MGRN1: variants seen among roughly 807,000 people sequenced by gnomAD.
MGRN1 encodes the protein mahogunin ring finger 1.
A neutral mutation model predicts 69.2 loss-of-function variants in MGRN1; 29 were observed. The observed-to-expected ratio is 0.42, with a 90% confidence interval of 0.31 to 0.57. The LOEUF (loss-of-function observed/expected upper bound fraction) is 0.57, where lower values mean the gene tolerates loss of function less well. MGRN1 is among the 20% of genes least tolerant of loss of function. The pLI, the probability that MGRN1 is intolerant of heterozygous loss-of-function variation, is 0.15. For synonymous variants in MGRN1, 470 were observed against 344.2 expected (o/e 1.37, Z -4.04); for missense variants, 998 against 796.2 (o/e 1.25, Z -3.05).
chr16:4,663,391 T>TTTTTTTTTTTTTTTTTTTTTTTTA (rs150893432), intron 5 of MGRN1, among the ~76,000 whole-genome samples: 1 of 123,176 alleles, frequency 8.1e-6, no homozygotes, highest in Non-Finnish European at 1.8e-5. Flanking sequence ...TTTTTTTTTT[T>TTTTTTTTTTTTTTTTTTTTTTTTA]ACACCTTTAT....
chr16:4,644,535 C>A (rs1188806223), intron 1 of MGRN1, among the ~76,000 whole-genome samples: 2 of 152,036 alleles, frequency 1.3e-5, no homozygotes, highest in Non-Finnish European at 2.9e-5. Flanking sequence ...GTCTCCAACT[C>A]CTGACCTCAG....
chr16:4,639,269 AG>A (rs2078105154), intron 1 of MGRN1, among the ~76,000 whole-genome samples: 1 of 152,050 alleles, frequency 6.6e-6, no homozygotes, highest in African/African-American at 2.4e-5. Flanking sequence ...TGACACTATG[AG>A]GAGAATGGCG....
chr16:4,644,145 T>C (rs1450282460), intron 1 of MGRN1, among the ~76,000 whole-genome samples: 2 of 150,536 alleles, frequency 1.3e-5, no homozygotes, highest in African/African-American at 4.9e-5. Flanking sequence ...TCCCGGCTAA[T>C]TTTTTTTTGT....
rs976245385 is a variant in MGRN1, at chr16:4,686,794, C to T, written c.1619-2002C>T. On this transcript the variant is annotated intron_variant, in intron 16 of 16. Coordinates refer to ENST00000262370, the MANE Select transcript of MGRN1 (RefSeq NM_015246.4). The stretch of plus-strand genomic sequence containing the variant: ...GTTCGCATCGGTCCTGCAGCAGACA[C>T]GTTAGGACGCTCAGCAGGTCCACTC... The T allele has an allele frequency of 1.0e-5, 10 of 988,940 alleles. 1 individual carries two copies. The Middle Eastern group carries it at 1.5e-3, about 152-fold the overall frequency. The allele number at this position is 988,940 out of a possible 1,614,324, so 61.3% of individuals were successfully genotyped here.
intron 16 of MGRN1, among the ~76,000 whole-genome samples, chr16:4,684,617 T>C (rs1324853988): frequency 6.6e-6 from 1 of 152,242 alleles, no homozygotes; most frequent in East Asian, 1.9e-4. Flanking sequence ...TTCTCACCTT[T>C]CCCGGAGGCT....
chr16:4,688,747 G>A, intron 16 of MGRN1, 49 bp from the exon 17 acceptor site: 2 of 1,508,498 alleles, frequency 1.3e-6, no homozygotes, highest in African/African-American at 1.4e-5. Flanking sequence ...CGGGTGGCGT[G>A]GCACCAGGCA....
intron 16 of MGRN1, among the ~76,000 whole-genome samples, chr16:4,685,095 C>T (rs559027499): frequency 2.0e-5 from 3 of 152,232 alleles, no homozygotes; most frequent in Non-Finnish European, 4.4e-5. Context: ...CGGCCTGCCC[C>T]GAACAACTCA....
intron 7 of MGRN1, among the ~76,000 whole-genome samples, 188 bp downstream of exon 7, chr16:4,665,339 G>A (rs78068208): frequency 0.017 from 2,616 of 151,810 alleles, 32 homozygotes; most frequent in Non-Finnish European, 0.023. Flanking sequence ...GCCGAGTGCC[G>A]CTGTCAGGAG....
At chr16:4,653,960 C>G (rs765822000) in intron 4 of MGRN1, among the ~76,000 whole-genome samples, 4 of 152,182 alleles carry the variant, frequency 2.6e-5, no homozygotes, top group Non-Finnish European at 5.9e-5. Context: ...TCATGTTGGT[C>G]AGGCTGGTCT....
intron 1 of MGRN1, among the ~76,000 whole-genome samples, chr16:4,630,785 C>T (rs1201764511): frequency 1.4e-4 from 19 of 131,884 alleles, no homozygotes; most frequent in African/African-American, 4.7e-4. Flanking sequence ...ACATTTAGGT[C>T]TTTGATCCAT....
rs1175772065 is a variant in MGRN1, at chr16:4,689,255, C to T, written c.*347C>T. 1.2e-5 allele frequency: 3 copies of T among 243,304 alleles called. No homozygotes were observed. The highest frequency in any genetic ancestry group is 2.4e-5 in the Non-Finnish European group (3 of 126,476). 15.1% of individuals were successfully genotyped at this position (243,304 alleles called of 1,614,324 possible). On this transcript the variant is annotated 3_prime_UTR_variant, in exon 17 of 17. Coordinates refer to ENST00000262370, the MANE Select transcript of MGRN1 (RefSeq NM_015246.4). ...GCCTGCTCCTGCAACAGTGCGGTCC[C>T]TGCCCGGAGAACTCAGGAGGCCTGC...
intron 5 of MGRN1, among the ~76,000 whole-genome samples, chr16:4,661,882 G>A (rs976603907): frequency 6.6e-5 from 10 of 152,228 alleles, no homozygotes; most frequent in African/African-American, 1.2e-4. Context: ...GATGGGTTAC[G>A]TGTGCCATTC....
intron 15 of MGRN1, among the ~76,000 whole-genome samples, chr16:4,683,537 C>T (rs117990890): frequency 0.017 from 2,406 of 144,980 alleles, 30 homozygotes; most frequent in Non-Finnish European, 0.026. Flanking sequence ...GAAACATGAG[C>T]GTGTAATGTT....
intron 4 of MGRN1, among the ~76,000 whole-genome samples, chr16:4,656,485 GTGGGTC>G (rs1244053158): frequency 1.3e-5 from 2 of 152,260 alleles, no homozygotes; most frequent in East Asian, 3.8e-4. Flanking sequence ...GGAGTGATCT[GTGGGTC>G]TCTGCTGGGG....
At chr16:4,656,639 G>C (rs938161863) in intron 4 of MGRN1, among the ~76,000 whole-genome samples, 7 of 152,210 alleles carry the variant, frequency 4.6e-5, no homozygotes, top group African/African-American at 1.7e-4. Context: ...CCAGCACTTT[G>C]GGAGGCTGAG....
At position 4,683,829 on chromosome 16, in the gene MGRN1, C is replaced by T. The variant is rs376397429; in HGVS notation, c.1529-14C>T. The T allele has an allele frequency of 5.6e-6, 9 of 1,611,228 alleles. No individual in the cohort carries two copies. The African/African-American group carries it at 9.4e-5, about 17-fold the overall frequency. ...CCCTGCCTGTAGGTCCCTAACCTCA[C>T]CCTCTGCCTGCAGGGACCCGAGCAG... On this transcript the variant is annotated splice_polypyrimidine_tract_variant and intron_variant, in intron 15 of 16. Coordinates refer to ENST00000262370, the MANE Select transcript of MGRN1 (RefSeq NM_015246.4).
intron 9 of MGRN1, among the ~76,000 whole-genome samples, chr16:4,672,163 CA>C (rs2078952614): frequency 6.6e-6 from 1 of 152,192 alleles, no homozygotes; most frequent in Non-Finnish European, 1.5e-5. Flanking sequence ...CTCGGCCTCC[CA>C]AAGTGCTGGG....
intron 1 of MGRN1, among the ~76,000 whole-genome samples, chr16:4,637,156 T>A (rs1451392972): frequency 6.8e-6 from 1 of 147,808 alleles, no homozygotes; most frequent in East Asian, 2.0e-4. Context: ...GTGGCCAGGT[T>A]CAGTGGCTCA....
At chr16:4,682,089 G>A (rs1352796808) in intron 13 of MGRN1, among the ~76,000 whole-genome samples, 3 of 152,206 alleles carry the variant, frequency 2.0e-5, no homozygotes, top group East Asian at 3.9e-4. Flanking sequence ...GCTGAGGGGA[G>A]CCCCTTTGAG....
Sources: allele counts gnomAD v4.1 joint callset (sites outside exome capture counted in the v4.1 genomes callset), GRCh38; gene constraint gnomAD v4.1.1; transcripts MANE v1.5; gene names NCBI Gene and HGNC (gene_info 2026-07-23, HGNC 2026-07-21).